Variants in DIAPH3 observed in about 807,000 individuals in gnomAD.
The protein encoded by DIAPH3 is diaphanous related formin 3.
Under a neutral mutation model 144.3 loss-of-function variants are expected in DIAPH3, and 117 were observed. The ratio of observed to expected loss-of-function variants is 0.81; its 90% CI spans 0.70 to 0.95. The LOEUF (loss-of-function observed/expected upper bound fraction) is 0.95, where lower values mean the gene tolerates loss of function less well. DIAPH3 is among the 40% of genes least tolerant of loss of function. The pLI is 0.00. For missense variants in DIAPH3, 1,421 were observed against 1,412.7 expected (o/e 1.01, Z -0.09); for synonymous variants, 519 against 488.9 (o/e 1.06, Z -0.81).
At chr13:59,885,770 C>G (rs1395386842) in intron 20 of DIAPH3, among the ~76,000 whole-genome samples, 1 of 152,072 alleles carries the variant, frequency 6.6e-6, no homozygotes, top group East Asian at 1.9e-4. Context: ...GAGCCCTAGA[C>G]TGGAGTGATA....
chr13:60,109,874 G>A (rs1334620217), intron 3 of DIAPH3, among the ~76,000 whole-genome samples: 3 of 152,168 alleles, frequency 2.0e-5, no homozygotes, highest in African/African-American at 7.2e-5. Flanking sequence ...ACTATTTCAC[G>A]TATCTAATAG....
intron 24 of DIAPH3, 24 bp downstream of exon 24, chr13:59,833,083 T>TAA (rs1175166019): frequency 6.3e-7 from 1 of 1,595,670 alleles, no homozygotes; most frequent in Non-Finnish European, 8.5e-7. Context: ...AAAAACTTTT[T>TAA]AAAAAACAAT....
At chr13:59,866,370 A>G (rs2043925437) in intron 21 of DIAPH3, among the ~76,000 whole-genome samples, 4 of 152,076 alleles carry the variant, frequency 2.6e-5, no homozygotes, top group Admixed American at 2.6e-4. Context: ...CTTATCCACT[A>G]TAAAATATAG....
intron 27 of DIAPH3, among the ~76,000 whole-genome samples, chr13:59,700,620 G>A (rs2034055649): frequency 6.6e-6 from 1 of 152,162 alleles, no homozygotes. Context: ...TCTCCTCCAT[G>A]CCTCTTTCCA....
At chr13:59,991,711 A>G (rs543217485) in intron 11 of DIAPH3, among the ~76,000 whole-genome samples, 2 of 152,104 alleles carry the variant, frequency 1.3e-5, no homozygotes, top group East Asian at 3.9e-4. Flanking sequence ...GCGACCCATG[A>G]GTATGCACCC....
At chr13:59,943,880 T>C (rs1167299285) in intron 17 of DIAPH3, among the ~76,000 whole-genome samples, 1 of 152,074 alleles carries the variant, frequency 6.6e-6, no homozygotes, top group Non-Finnish European at 1.5e-5. Context: ...TTATTAATAA[T>C]AACAATTACT....
At chr13:59,799,375 G>GCACA (rs56979042) in intron 25 of DIAPH3, among the ~76,000 whole-genome samples, 2,163 of 139,334 alleles carry the variant, frequency 0.016, 31 homozygotes, top group African/African-American at 0.03. Context: ...CTGGAAATAT[G>GCACA]CACACACACA....
chr13:59,850,872 G>T (rs10467393), intron 22 of DIAPH3, among the ~76,000 whole-genome samples: 1 of 147,390 alleles, frequency 6.8e-6, no homozygotes, highest in Non-Finnish European at 1.5e-5. Context: ...GCTGAAATTG[G>T]GGCAATAATC....
intron 27 of DIAPH3, among the ~76,000 whole-genome samples, chr13:59,677,284 A>AT (rs1305290218): frequency 6.6e-5 from 10 of 152,022 alleles, no homozygotes; most frequent in African/African-American, 1.7e-4. Context: ...TTTATTGTAC[A>AT]TTTTTTTGTG....
intron 1 of DIAPH3, among the ~76,000 whole-genome samples, chr13:60,140,531 G>A (rs1362243944): frequency 1.3e-5 from 2 of 151,930 alleles, no homozygotes; most frequent in African/African-American, 2.4e-5. Flanking sequence ...GAAAAAAAGT[G>A]CATTTAAAAT....
intron 27 of DIAPH3, among the ~76,000 whole-genome samples, chr13:59,667,343 T>C (rs899336639): frequency 6.6e-6 from 1 of 152,254 alleles, no homozygotes; most frequent in Admixed American, 6.5e-5. Context: ...AGTAGGGACA[T>C]TATTTTAAAT....
At position 60,094,258 on chromosome 13, in the gene DIAPH3, A is replaced by C. The variant is rs970136315; in HGVS notation, c.391-526T>G. Among the ~76,000 whole-genome samples, 7 of 152,212 alleles carry C rather than the reference A, an allele frequency of 4.6e-5. 1 individual carries two copies. Among genetic ancestry groups the C allele is most frequent in the Admixed American group, 3.9e-4 (6 of 15,292 alleles). ...TGTCTTTTCCCTACTCTTATCAAAA[A>C]TGTTAACTAATTTATTGAATGTTCT... On this transcript the variant is annotated intron_variant, in intron 3 of 27. Transcript: ENST00000400324.
intron 4 of DIAPH3, among the ~76,000 whole-genome samples, chr13:60,057,748 T>TA (rs1240740801): frequency 6.6e-6 from 1 of 151,998 alleles, no homozygotes; most frequent in Admixed American, 6.6e-5. Flanking sequence ...GCCAAATACT[T>TA]ACAACCACTG....
chr13:60,146,563 AC>A (rs903879017), intron 1 of DIAPH3, among the ~76,000 whole-genome samples: 2 of 152,290 alleles, frequency 1.3e-5, no homozygotes, highest in African/African-American at 4.8e-5. Flanking sequence ...CCTAATTTGC[AC>A]TGTGCCATAT....
At chr13:59,841,019 T>A (rs1428329925) in intron 22 of DIAPH3, among the ~76,000 whole-genome samples, 4 of 152,172 alleles carry the variant, frequency 2.6e-5, no homozygotes, top group African/African-American at 9.6e-5. Flanking sequence ...TGTTATACTC[T>A]TTCATTTTTA....
intron 25 of DIAPH3, 121 bp from the exon 26 acceptor site, chr13:59,774,944 G>A: frequency 1.3e-6 from 1 of 786,410 alleles, no homozygotes; most frequent in Non-Finnish European, 2.2e-6. Context: ...CCAGGACTAA[G>A]CTAGCAATTT....
chr13:59,716,410 T>C (rs1359716750), intron 27 of DIAPH3, among the ~76,000 whole-genome samples: 8 of 152,118 alleles, frequency 5.3e-5, no homozygotes, highest in South Asian at 2.1e-4. Flanking sequence ...CTCCTGATCT[T>C]GTGATCTGCC....
At chr13:59,678,778 C>A (rs925188904) in intron 27 of DIAPH3, among the ~76,000 whole-genome samples, 1 of 152,120 alleles carries the variant, frequency 6.6e-6, no homozygotes, top group Admixed American at 6.5e-5. Context: ...AAACAAAACT[C>A]TATATTATTT....
rs1016094843 is a variant in DIAPH3, at chr13:59,665,869, C to T, written c.*715G>A. 2 of 152,416 alleles carry T rather than the reference C, an allele frequency of 1.3e-5. No individual in the cohort carries two copies. Among genetic ancestry groups the T allele is most frequent in the East Asian group, 3.8e-4 (2 of 5,200 alleles). 9.4% of individuals were successfully genotyped at this position (152,416 alleles called of 1,614,324 possible). A position where few individuals can be genotyped will look rare whatever the true frequency, so the allele number is the denominator to read the frequency against. ...CTCTCTTAGCCAAGATCAAGAATTTCGGCAGCACTGCAATTCTGTTTACAT... is the reference window on the plus strand; with the variant it reads ...CTCTCTTAGCCAAGATCAAGAATTTTGGCAGCACTGCAATTCTGTTTACAT... On this transcript the variant is annotated 3_prime_UTR_variant, in exon 28 of 28. Coordinates refer to ENST00000400324, the MANE Select transcript of DIAPH3 (RefSeq NM_001042517.2).
Sources: gnomAD v4.1 joint callset for allele counts (sites outside exome capture counted in the v4.1 genomes callset) on GRCh38, gnomAD v4.1.1 for gene constraint, MANE v1.5 for transcripts, NCBI Gene and HGNC (gene_info 2026-07-23, HGNC 2026-07-21) for gene names.